PTCSC3: variants seen among roughly 807,000 people sequenced by gnomAD.
The protein encoded by PTCSC3 is papillary thyroid carcinoma susceptibility candidate 3 (non-protein coding).
rs111325788 is a variant in PTCSC3, at chr14:36,173,984, C to CT, written n.171+2313dup. Reference sequence around the variant, plus strand: ...TTTTGTCCCATTGTATATAAAGTACCTTTTTTTTCTCTTTGGCTGCTTTTA... The same window carrying CT: ...TTTTGTCCCATTGTATATAAAGTACCTTTTTTTTTCTCTTTGGCTGCTTTTA... On this transcript the variant is annotated intron_variant and non_coding_transcript_variant, in intron 1 of 3. Coordinates refer to ENST00000556013, the Ensembl canonical transcript of PTCSC3. 5.0e-3 allele frequency among the ~76,000 whole-genome samples: 753 copies of CT among 151,922 alleles called. 3 individuals carry two copies. The highest frequency in any genetic ancestry group is 0.017 in the African/African-American group (713 of 41,426).
chr14:36,171,515 T>G (rs576720269), intron 1 of PTCSC3, among the ~76,000 whole-genome samples: 1 of 152,184 alleles, frequency 6.6e-6, no homozygotes, highest in Non-Finnish European at 1.5e-5. Context: ...CTCCTTTCAT[T>G]TGAGACTGAG....
intron 2 of PTCSC3, among the ~76,000 whole-genome samples, chr14:36,159,084 G>C (rs1881892184): frequency 1.3e-5 from 2 of 152,086 alleles, no homozygotes; most frequent in Admixed American, 6.5e-5. Flanking sequence ...GTATTTCTGT[G>C]GGATCAGTGG....
intron 1 of PTCSC3, among the ~76,000 whole-genome samples, chr14:36,169,075 C>A (rs1483779294): frequency 6.6e-6 from 1 of 152,110 alleles, no homozygotes; most frequent in Admixed American, 6.6e-5. Flanking sequence ...AAAAAACTCT[C>A]TTAAATCCCA....
intron 3 of PTCSC3, among the ~76,000 whole-genome samples, chr14:36,148,004 G>A (rs980220492): frequency 6.6e-6 from 1 of 152,202 alleles, no homozygotes; most frequent in Non-Finnish European, 1.5e-5. Flanking sequence ...CCCCCTTGAG[G>A]AGGCAGTCTG....
chr14:36,146,550 G>C (rs1056694355), intron 3 of PTCSC3, among the ~76,000 whole-genome samples: 1 of 152,024 alleles, frequency 6.6e-6, no homozygotes, highest in Non-Finnish European at 1.5e-5. Context: ...TTGAGCCTAT[G>C]TGTGTCTCTG....
At chr14:36,136,932 C>A (rs1336899646) in intron 3 of PTCSC3, among the ~76,000 whole-genome samples, 1 of 152,130 alleles carries the variant, frequency 6.6e-6, no homozygotes, top group South Asian at 2.1e-4. Context: ...AGGCTTTATT[C>A]TTGCTATTGA....
At chr14:36,171,158 C>A (rs1882185364) in intron 1 of PTCSC3, among the ~76,000 whole-genome samples, 1 of 152,112 alleles carries the variant, frequency 6.6e-6, no homozygotes, top group African/African-American at 2.4e-5. Context: ...CATAATCCTT[C>A]TGTAGGTTAA....
chr14:36,150,446 C>A (rs1334869564), intron 3 of PTCSC3, among the ~76,000 whole-genome samples: 4 of 152,180 alleles, frequency 2.6e-5, no homozygotes, highest in Non-Finnish European at 5.9e-5. Context: ...TTGTGGACTT[C>A]CCAGACTCCA....
At chr14:36,174,782 G>A (rs1290782007) in intron 1 of PTCSC3, among the ~76,000 whole-genome samples, 1 of 152,172 alleles carries the variant, frequency 6.6e-6, no homozygotes, top group Non-Finnish European at 1.5e-5. Context: ...TGAGTCTAGA[G>A]TTGGTCTTTC....
intron 1 of PTCSC3, among the ~76,000 whole-genome samples, chr14:36,175,434 A>T (rs1305414312): frequency 6.6e-6 from 1 of 152,170 alleles, no homozygotes; most frequent in African/African-American, 2.4e-5. Context: ...CAGTATCTTG[A>T]TTTCAACCCT....
In PTCSC3 at chr14:36,158,771, A is replaced by G. The variant is rs948958143; in HGVS notation, n.231+3853T>C. On this transcript the variant is annotated intron_variant and non_coding_transcript_variant, in intron 2 of 3. Coordinates refer to ENST00000556013, the Ensembl canonical transcript of PTCSC3. ...ATCAGGATGATGCTGGCCTCATAAA[A>G]TGACTTAGGGAGGAGTCCTTCTTTT... is the stretch of plus-strand genomic sequence containing the variant. Among the ~76,000 whole-genome samples the G allele has an allele frequency of 2.0e-5, 3 of 152,310 alleles. No homozygotes were observed. The South Asian group carries it at 6.2e-4, about 32-fold the overall frequency.
chr14:36,159,762 C>T (rs544656187), intron 2 of PTCSC3, among the ~76,000 whole-genome samples: 92 of 152,208 alleles, frequency 6.0e-4, no homozygotes, highest in Non-Finnish European at 1.2e-3. Flanking sequence ...GTTAGTTCTG[C>T]TTGGTCCAGA....
intron 3 of PTCSC3, among the ~76,000 whole-genome samples, chr14:36,145,280 C>T (rs1881533182): frequency 6.6e-6 from 1 of 150,776 alleles, no homozygotes; most frequent in Non-Finnish European, 1.5e-5. Flanking sequence ...GCTGTGAATC[C>T]ATCTGGTCCT....
chr14:36,152,230 T>A (rs747718023), intron 3 of PTCSC3, among the ~76,000 whole-genome samples: 1 of 151,748 alleles, frequency 6.6e-6, no homozygotes, highest in East Asian at 1.9e-4. Flanking sequence ...GGTAAAAAAA[T>A]GCTAAAGAAA....
chr14:36,169,863 C>G (rs1882162120), intron 1 of PTCSC3, among the ~76,000 whole-genome samples: 1 of 152,092 alleles, frequency 6.6e-6, no homozygotes. Flanking sequence ...TACAACAATC[C>G]TTGCCTTTTA....
chr14:36,143,617 A>T (rs1309603714), intron 3 of PTCSC3, among the ~76,000 whole-genome samples: 1 of 148,406 alleles, frequency 6.7e-6, no homozygotes, highest in East Asian at 2.0e-4. Context: ...TTGCCTGTTC[A>T]CTCTGATGGT....
At chr14:36,136,570 A>G (rs989466931) in intron 3 of PTCSC3, among the ~76,000 whole-genome samples, 1 of 152,128 alleles carries the variant, frequency 6.6e-6, no homozygotes, top group Non-Finnish European at 1.5e-5. Context: ...GAAGAAGAAT[A>G]AGAGTAAGAA....
chr14:36,163,432 A>C (rs1262206252), intron 1 of PTCSC3, among the ~76,000 whole-genome samples: 1 of 152,168 alleles, frequency 6.6e-6, no homozygotes, highest in East Asian at 1.9e-4. Flanking sequence ...AGGAAAAAAA[A>C]AGAACAAAGA....
intron 3 of PTCSC3, among the ~76,000 whole-genome samples, chr14:36,145,800 G>A (rs1259557809): frequency 2.7e-5 from 4 of 148,828 alleles, no homozygotes; most frequent in East Asian, 2.0e-4. Flanking sequence ...TGGGCATTTA[G>A]TGCTATAAAT....
Sources: allele counts gnomAD v4.1 joint callset (sites outside exome capture counted in the v4.1 genomes callset), GRCh38; gene constraint gnomAD v4.1.1; transcripts MANE v1.5; gene names NCBI Gene and HGNC (gene_info 2026-07-23, HGNC 2026-07-21).